Variants in ZNF444 observed in about 807,000 individuals in gnomAD.
The protein encoded by ZNF444 is zinc finger protein 444, also known as endothelial zinc finger protein 2.
ZNF444 carries 8 observed loss-of-function variants against 14.4 expected under a neutral mutation model. The observed-to-expected ratio is 0.56, with a 90% CI of 0.33 to 1.00. The LOEUF (loss-of-function observed/expected upper bound fraction) is 1.00, where lower values mean the gene tolerates loss of function less well. Ranked by LOEUF, ZNF444 falls within the 50% of genes least tolerant of loss-of-function variation. ZNF444 has a pLI of 0.03. For missense variants in ZNF444, 510 were observed against 504.8 expected (o/e 1.01, Z -0.10); for synonymous variants, 258 against 235.9 (o/e 1.09, Z -0.86).
chr19:56,159,334 C>G (rs773777704), intron 4 of ZNF444, among the ~76,000 whole-genome samples: 6 of 151,674 alleles, frequency 4.0e-5, no homozygotes, highest in Non-Finnish European at 7.4e-5. Flanking sequence ...CATCCATCAT[C>G]GGTCCATTCA....
intron 4 of ZNF444, 125 bp downstream of exon 4, chr19:56,158,727 C>T (rs1042717260): frequency 2.4e-5 from 21 of 881,754 alleles, no homozygotes; most frequent in Admixed American, 1.7e-4. Context: ...TGAGGAGCCC[C>T]GGGGTTCGGA....
At chr19:56,149,642 C>A (rs534178367) in intron 3 of ZNF444, among the ~76,000 whole-genome samples, 36 of 152,254 alleles carry the variant, frequency 2.4e-4, no homozygotes, top group African/African-American at 8.7e-4. Flanking sequence ...CCCCTTCCCC[C>A]ACCCCCCGAC....
chr19:56,159,623 G>A lies in ZNF444; in HGVS notation c.407-1G>A. On this transcript the variant is annotated splice_acceptor_variant, in intron 4 of 4. Coordinates refer to ENST00000337080, the MANE Select transcript of ZNF444 (RefSeq NM_018337.4). LOFTEE classifies it high-confidence loss of function. ...GATGCTGACTCTCTTTCTTTTCCCA[G>A]CAGGCACCGCCCCTGGGGCTGAGGG... 1 of 1,431,474 alleles carries A rather than the reference G, an allele frequency of 7.0e-7. No individual in the cohort carries two copies. Among genetic ancestry groups the A allele is most frequent in the East Asian group, 2.6e-5 (1 of 38,032 alleles). 88.7% of individuals were successfully genotyped at this position (1,431,474 alleles called of 1,614,324 possible).
rs1176255795 is a variant in ZNF444 at position 56,160,129 on chromosome 19, G to A, written c.912G>A (p.Ala304=). The A allele has an allele frequency of 2.0e-6, 3 of 1,483,830 alleles. No individual in the cohort carries two copies. Among genetic ancestry groups the A allele is most frequent in the African/African-American group, 1.5e-5 (1 of 68,098 alleles). The allele number at this position is 1,483,830 out of a possible 1,614,324, so 91.9% of individuals were successfully genotyped here. A position where few individuals can be genotyped will look rare whatever the true frequency, so the allele number is the denominator to read the frequency against. The stretch of plus-strand genomic sequence containing the variant: ...ACCAGCGCATCCACGGCCGGGCAGC[G>A]GCCAGCGCGCAGGGGGCGGTAGCTC... The part of the protein sequence containing the change: ...LRHQRIHGRA[A]ASAQGAVAPG... Residue 304 remains alanine (A), a synonymous_variant, in exon 5 of 5, where the codon GCG becomes GCA. Transcript: ENST00000337080.
At position 56,144,008 on chromosome 19, in the gene ZNF444, G is replaced by A. The variant is rs771919279; in HGVS notation, c.-196-2239G>A. ...TGGTGGGCACTGGCCTTCGGTCCAAGAAGATAGAAAGTGAGCCAGACCGGG... is the reference window on the plus strand; with the variant it reads ...TGGTGGGCACTGGCCTTCGGTCCAAAAAGATAGAAAGTGAGCCAGACCGGG... On this transcript the variant is annotated intron_variant, in intron 1 of 4. Transcript: ENST00000337080. This position sits in a 1 kb window ranked among gnomAD's most constrained non-coding sequence, Gnocchi z 4.0. Among the ~76,000 whole-genome samples, 2 of 152,176 alleles carry A rather than the reference G, an allele frequency of 1.3e-5. No homozygotes were observed. The highest frequency in any genetic ancestry group is 2.9e-5 in the Non-Finnish European group (2 of 68,028).
Position 56,159,961 on chromosome 19 carries a change from G to GC in ZNF444, c.748dup (p.His250ProfsTer156). Reference sequence around the variant, plus strand: ...TGCGCCCTCTGCCCGCCCGTGAGAAGCCCCACGCGTGCTGCGAGTGTGGCA... The same window carrying GC: ...TGCGCCCTCTGCCCGCCCGTGAGAAGCCCCCACGCGTGCTGCGAGTGTGGCA... On this transcript the variant is annotated frameshift_variant, in exon 5 of 5. Transcript: ENST00000337080. LOFTEE classifies it low-confidence loss of function (END_TRUNC). 6.6e-7 allele frequency: 1 copy of GC among 1,507,000 alleles called. No homozygotes were observed. The highest frequency in any genetic ancestry group is 2.7e-5 in the East Asian group (1 of 37,460). The allele number at this position is 1,507,000 out of a possible 1,614,324, so 93.4% of individuals were successfully genotyped here.
rs551750129 is a variant in ZNF444 at position 56,134,541 on chromosome 19, A to G, written c.-197+1763A>G. ...GAAGCTCCAGTGAGGCACTTGGTCC[A>G]GACTTACAGGTGTGGGGGTGGTCTG... On this transcript the variant is annotated intron_variant, in intron 1 of 2. Coordinates refer to the ZNF444 transcript ENST00000587467. 3.3e-3 allele frequency among the ~76,000 whole-genome samples: 495 copies of G among 152,306 alleles called. 2 individuals carry two copies. The highest frequency in any genetic ancestry group is 0.011 in the African/African-American group (464 of 41,564).
intron 1 of ZNF444, among the ~76,000 whole-genome samples, chr19:56,134,154 C>G (rs2030559323): frequency 6.6e-6 from 1 of 152,154 alleles, no homozygotes; most frequent in African/African-American, 2.4e-5. Flanking sequence ...ACCCGAGCCT[C>G]CAGAGATGAA....
upstream of ZNF444, chr19:56,141,055 G>C (rs1474385241): frequency 6.6e-6 from 1 of 152,124 alleles, no homozygotes; most frequent in Non-Finnish European, 1.5e-5. Flanking sequence ...CGCGTATCTT[G>C]GGAAATGTAG....
rs775515054 is a variant in ZNF444 at position 56,158,514 on chromosome 19, T to C, written c.318T>C (p.Asp106=). 1.9e-6 allele frequency: 3 copies of C among 1,610,816 alleles called. No individual in the cohort carries two copies. Among genetic ancestry groups the C allele is most frequent in the East Asian group, 4.5e-5 (2 of 44,532 alleles). The change falls in exon 4 of 5, where the codon GAT becomes GAC. Residue 106 remains aspartate, a synonymous_variant. Coordinates refer to ENST00000337080, the MANE Select transcript of ZNF444 (RefSeq NM_018337.4). ...EELWGPAASP[D]GSSATRVPQD... is the part of the protein sequence containing the mutation. ...TTCAGGGGCCAGCAGCCTCCCCCGATGGGTCGTCAGCAACGAGGGTGCCTC... is the reference window on the plus strand; with the variant it reads ...TTCAGGGGCCAGCAGCCTCCCCCGACGGGTCGTCAGCAACGAGGGTGCCTC...
chr19:56,153,331 T>C (rs2031699709), intron 3 of ZNF444, among the ~76,000 whole-genome samples: 1 of 152,196 alleles, frequency 6.6e-6, no homozygotes, highest in Admixed American at 6.5e-5. Context: ...TCTCATATAG[T>C]CTCCTGTGGG....
Position 56,146,963 on chromosome 19 carries a change from T to C in ZNF444, c.52T>C (p.Ser18Pro), listed in dbSNP as rs2031227384. The change falls in exon 3 of 5, where the codon TCC (serine) becomes CCC (proline). Residue 18 changes from serine (S) to proline (P), a missense_variant. Ser to Pro is a moderately conservative substitution (Grantham distance 74). Transcript: ENST00000337080. Reference protein sequence around the residue: ...KQEAEGLALDSPWHRFRRFHL... With the variant: ...KQEAEGLALDPPWHRFRRFHL... ...GGAGGCCGAGGGCCTGGCGCTGGAC[T>C]CCCCGTGGCACCGCTTCCGCCGCTT... The C allele has an allele frequency of 6.9e-7, 1 of 1,443,708 alleles. No individual in the cohort carries two copies. Among genetic ancestry groups the C allele is most frequent in the Non-Finnish European group, 9.0e-7 (1 of 1,108,002 alleles). The allele number at this position is 1,443,708 out of a possible 1,614,324, so 89.4% of individuals were successfully genotyped here. A position where few individuals can be genotyped will look rare whatever the true frequency, so the allele number is the denominator to read the frequency against.
At chr19:56,150,410 T>G (rs761746803) in intron 3 of ZNF444, 23 of 344,090 alleles carry the variant, frequency 6.7e-5, no homozygotes, top group Non-Finnish European at 1.2e-4. Flanking sequence ...GTTCTCTGCT[T>G]GCTCCGAGGC....
rs931135403 is a variant in ZNF444 at position 56,160,413 on chromosome 19, G to A, written c.*212G>A. On this transcript the variant is annotated 3_prime_UTR_variant, in exon 5 of 5. Coordinates refer to ENST00000337080, the MANE Select transcript of ZNF444 (RefSeq NM_018337.4). ...ACTTTCCTTCTCAGGTCTCACCTCA[G>A]CCCCCCCCTTCTCCCTGATTTCTCG... The A allele has an allele frequency of 4.2e-6, 2 of 479,878 alleles. No homozygotes were observed. Among genetic ancestry groups the A allele is most frequent in the Non-Finnish European group, 3.6e-6 (1 of 276,110 alleles). 29.7% of individuals were successfully genotyped at this position (479,878 alleles called of 1,614,324 possible). A position where few individuals can be genotyped will look rare whatever the true frequency, so the allele number is the denominator to read the frequency against.
In ZNF444 at chr19:56,147,309, G is replaced by A; in HGVS notation, c.297+101G>A. 7.6e-7 allele frequency: 1 copy of A among 1,311,030 alleles called. No homozygotes were observed. The highest frequency in any genetic ancestry group is 1.6e-5 in the African/African-American group (1 of 64,156). 81.2% of individuals were successfully genotyped at this position (1,311,030 alleles called of 1,614,324 possible). On this transcript the variant is annotated intron_variant, in intron 3 of 4. Coordinates refer to ENST00000337080, the MANE Select transcript of ZNF444 (RefSeq NM_018337.4). The surrounding 1 kb of genome is among the most constrained non-coding windows in gnomAD (Gnocchi z 5.9). ...AGCACCACTGAACCCCTGAAAACCA[G>A]TGTGACTCGCGGTGGGGAGGCTGCG... is the stretch of plus-strand genomic sequence containing the variant.
At chr19:56,135,298 C>T (rs1440360185) in intron 1 of ZNF444, among the ~76,000 whole-genome samples, 3 of 152,182 alleles carry the variant, frequency 2.0e-5, no homozygotes, top group Non-Finnish European at 4.4e-5. Context: ...CAGCCTGCAA[C>T]CACACAGGTT....
upstream of ZNF444, among the ~76,000 whole-genome samples, chr19:56,136,402 G>A (rs1317966160): frequency 1.3e-5 from 2 of 152,192 alleles, no homozygotes; most frequent in Non-Finnish European, 2.9e-5. Flanking sequence ...TTTGTATGAA[G>A]TGAACAAATG....
upstream of ZNF444, among the ~76,000 whole-genome samples, chr19:56,139,928 C>T (rs1383615143): frequency 6.6e-6 from 1 of 151,958 alleles, no homozygotes; most frequent in Non-Finnish European, 1.5e-5. Context: ...AGTAGGCCAT[C>T]GGATATGAGT....
chr19:56,159,980 T>C lies in ZNF444; in HGVS notation c.763T>C (p.Cys255Arg). 1.3e-6 allele frequency: 2 copies of C among 1,511,830 alleles called. No individual in the cohort carries two copies. Among genetic ancestry groups the C allele is most frequent in the Non-Finnish European group, 8.8e-7 (1 of 1,135,116 alleles). 93.7% of individuals were successfully genotyped at this position (1,511,830 alleles called of 1,614,324 possible). Reference sequence around the variant, plus strand: ...TGAGAAGCCCCACGCGTGCTGCGAGTGTGGCAAGACCTTCTACTGGCGCGA... The same window carrying C: ...TGAGAAGCCCCACGCGTGCTGCGAGCGTGGCAAGACCTTCTACTGGCGCGA... ...AREKPHACCE[C>R]GKTFYWREHL... is the part of the protein sequence containing the mutation. The change falls in exon 5 of 5, where the codon TGT becomes CGT. Residue 255 changes from cysteine (C) to arginine (R), a missense_variant. Cys to Arg is a radical substitution (Grantham distance 180, BLOSUM62 -3). Coordinates refer to ENST00000337080, the MANE Select transcript of ZNF444 (RefSeq NM_018337.4).
Sources: gnomAD v4.1 joint callset for allele counts (sites outside exome capture counted in the v4.1 genomes callset) on GRCh38, gnomAD v4.1.1 for gene constraint, Gnocchi (gnomAD v3.1) non-coding constraint, MANE v1.5 for transcripts, NCBI Gene and HGNC (gene_info 2026-07-23, HGNC 2026-07-21) for gene names.